Variants in MALRD1 observed in about 807,000 individuals in gnomAD.
MALRD1 encodes MAM and LDL receptor class A domain containing 1, also known as MAM and LDL-receptor class A domain-containing protein 1.
Under a neutral mutation model 242.1 loss-of-function variants are expected in MALRD1, and 247 were observed. That is an observed-to-expected ratio of 1.02 (90% CI 0.92 to 1.13). MALRD1 has a LOEUF of 1.13. Among genes scored for constraint, MALRD1 ranks in the 50% most tolerant of loss-of-function variants. The probability of loss-of-function intolerance (pLI) is 0.00; values close to 1 mark genes in which losing one functional copy is unlikely to be tolerated. For missense variants in MALRD1, 2,989 were observed against 2,533.1 expected, an observed-to-expected ratio of 1.18 and a Z score of -3.86; for synonymous variants, 995 against 866.6, an observed-to-expected ratio of 1.15 and a Z score of -2.60.
chr10:19,208,258 C>T (rs888379207), intron 17 of MALRD1, among the ~76,000 whole-genome samples: 1 of 152,074 alleles, frequency 6.6e-6, no homozygotes, highest in African/African-American at 2.4e-5. Flanking sequence ...AGAAAAGACC[C>T]ATACTGATGA....
intron 28 of MALRD1, 27 bp downstream of exon 28, chr10:19,389,636 G>A: frequency 6.5e-7 from 1 of 1,541,514 alleles, no homozygotes; most frequent in Non-Finnish European, 8.8e-7. Context: ...TGATGCCTCT[G>A]AGCTTGTTTT....
intron 33 of MALRD1, among the ~76,000 whole-genome samples, chr10:19,589,257 T>C (rs534292057): frequency 6.6e-6 from 1 of 151,408 alleles, no homozygotes; most frequent in African/African-American, 2.4e-5. Flanking sequence ...TATTTATGTA[T>C]ACCAGTATTA....
intron 2 of MALRD1, among the ~76,000 whole-genome samples, chr10:19,081,315 G>T (rs540889417): frequency 6.6e-6 from 1 of 152,010 alleles, no homozygotes; most frequent in African/African-American, 2.4e-5. Flanking sequence ...ACATACATGC[G>T]TATGTTCATT....
At chr10:19,301,877 GA>G (rs1032901198) in intron 21 of MALRD1, among the ~76,000 whole-genome samples, 4 of 151,040 alleles carry the variant, frequency 2.6e-5, no homozygotes, top group African/African-American at 9.7e-5. Flanking sequence ...AACTTAAAAG[GA>G]AAAAAAGAAT....
intron 5 of MALRD1, among the ~76,000 whole-genome samples, chr10:19,111,113 T>C (rs1836663530): frequency 6.6e-6 from 1 of 151,348 alleles, no homozygotes; most frequent in Admixed American, 6.6e-5. Flanking sequence ...ACCCATGAAC[T>C]ATATACTGGG....
chr10:19,673,530 A>G (rs993816905), intron 36 of MALRD1, among the ~76,000 whole-genome samples: 1 of 152,236 alleles, frequency 6.6e-6, no homozygotes, highest in Non-Finnish European at 1.5e-5. Context: ...AGATGTTCAC[A>G]TCTATAAATG....
intron 24 of MALRD1, among the ~76,000 whole-genome samples, chr10:19,336,381 A>C (rs554154908): frequency 6.6e-6 from 1 of 152,314 alleles, no homozygotes; most frequent in African/African-American, 2.4e-5. Context: ...GTAAGGATGC[A>C]ATAGAGTTGA....
intron 8 of MALRD1, among the ~76,000 whole-genome samples, chr10:19,129,872 G>T (rs1473981708): frequency 6.7e-6 from 1 of 149,186 alleles, no homozygotes; most frequent in Non-Finnish European, 1.5e-5. Context: ...CATCCATATA[G>T]ATATAAATAT....
chr10:19,308,818 G>A (rs1171745074), intron 21 of MALRD1, among the ~76,000 whole-genome samples: 1 of 151,560 alleles, frequency 6.6e-6, no homozygotes, highest in African/African-American at 2.4e-5. Flanking sequence ...CTTGCCTAAT[G>A]TAAATTTCCA....
intron 28 of MALRD1, among the ~76,000 whole-genome samples, chr10:19,440,757 G>A (rs1834597668): frequency 6.6e-6 from 1 of 152,124 alleles, no homozygotes; most frequent in Non-Finnish European, 1.5e-5. Flanking sequence ...TGGACATTTG[G>A]GTTGGTTCCA....
At chr10:19,687,567 T>C (rs779058274) in intron 36 of MALRD1, among the ~76,000 whole-genome samples, 1 of 152,198 alleles carries the variant, frequency 6.6e-6, no homozygotes. Flanking sequence ...CCTATTTCTC[T>C]CTATAGGAGC....
chr10:19,268,569 A>G (rs987863889), intron 19 of MALRD1, among the ~76,000 whole-genome samples: 12 of 152,184 alleles, frequency 7.9e-5, no homozygotes, highest in South Asian at 4.1e-4. Context: ...TCTTAACTCA[A>G]AAAGTCACAG....
chr10:19,525,381 A>G (rs908986092), intron 31 of MALRD1, among the ~76,000 whole-genome samples: 1 of 152,182 alleles, frequency 6.6e-6, no homozygotes, highest in African/African-American at 2.4e-5. Flanking sequence ...ATCAATGTGA[A>G]AAAATGTCCA....
chr10:19,641,681 C>G (rs544544310), intron 36 of MALRD1, among the ~76,000 whole-genome samples: 1 of 152,214 alleles, frequency 6.6e-6, no homozygotes, highest in African/African-American at 2.4e-5. Context: ...AGCATTGTGG[C>G]TATGTTTCTC....
chr10:19,523,755 A>G (rs1833975722), intron 31 of MALRD1, among the ~76,000 whole-genome samples: 1 of 152,138 alleles, frequency 6.6e-6, no homozygotes, highest in Non-Finnish European at 1.5e-5. Flanking sequence ...TTTAAAAATA[A>G]GATGACTCTA....
At chr10:19,126,549 A>G (rs1837289141) in intron 7 of MALRD1, among the ~76,000 whole-genome samples, 1 of 151,800 alleles carries the variant, frequency 6.6e-6, no homozygotes, top group Non-Finnish European at 1.5e-5. Context: ...ACTTGCTAAT[A>G]TTTTCTTATT....
At chr10:19,378,933 C>T (rs1173675657) in intron 26 of MALRD1, among the ~76,000 whole-genome samples, 1 of 151,990 alleles carries the variant, frequency 6.6e-6, no homozygotes, top group African/African-American at 2.4e-5. Flanking sequence ...AAATTTTGCC[C>T]TAGAGTCTTC....
At chr10:19,734,044 T>C in intron 39 of MALRD1, 113 bp from the exon 40 acceptor site, 1 of 737,568 alleles carries the variant, frequency 1.4e-6, no homozygotes, top group Non-Finnish European at 2.2e-6. Context: ...GTTCTAGTTA[T>C]TACTCCAGTG....
chr10:19,295,947 T>C (rs922974317), intron 21 of MALRD1, among the ~76,000 whole-genome samples: 3 of 152,140 alleles, frequency 2.0e-5, no homozygotes, highest in Non-Finnish European at 4.4e-5. Context: ...GAACCTCACT[T>C]TGAGGACCAC....
Sources: gnomAD v4.1 joint callset for allele counts (sites outside exome capture counted in the v4.1 genomes callset) on GRCh38, gnomAD v4.1.1 for gene constraint, MANE v1.5 for transcripts, NCBI Gene and HGNC (gene_info 2026-07-23, HGNC 2026-07-21) for gene names.